Variants in RRP15 observed in about 807,000 individuals in gnomAD.
The protein encoded by RRP15 is RRP15-like protein.
Under a neutral mutation model 27.1 loss-of-function variants are expected in RRP15, and 18 were observed. The observed-to-expected ratio is 0.66, with a 90% confidence interval of 0.46 to 0.98. The LOEUF is 0.98. Ranked by LOEUF, RRP15 falls within the 50% of genes least tolerant of loss-of-function variation. The probability of loss-of-function intolerance (pLI) is 0.00; values close to 1 mark genes in which losing one functional copy is unlikely to be tolerated. For missense variants in RRP15, 359 were observed against 337.8 expected (o/e 1.06, Z -0.49); for synonymous variants, 107 against 109.4 (o/e 0.98, Z 0.14).
chr1:218,301,191 T>A (rs1297555234), intron 1 of RRP15: 1 of 152,208 alleles, frequency 6.6e-6, no homozygotes, highest in East Asian at 1.9e-4. Context: ...AAATGGCAGC[T>A]GTTTGTATAT....
intron 4 of RRP15, among the ~76,000 whole-genome samples, chr1:218,310,495 A>G (rs961025530): frequency 2.6e-4 from 39 of 152,312 alleles, no homozygotes; most frequent in Non-Finnish European, 1.5e-4. Context: ...TATATTAAAT[A>G]TGGATAGAAT....
intron 4 of RRP15, among the ~76,000 whole-genome samples, chr1:218,316,368 C>A (rs1490340768): frequency 1.3e-5 from 2 of 152,090 alleles, no homozygotes; most frequent in Non-Finnish European, 2.9e-5. Flanking sequence ...TTATCCTGCA[C>A]AGATGAGTCT....
intron 1 of RRP15, among the ~76,000 whole-genome samples, chr1:218,298,285 TTCCTCTAAGCCA>T (rs1007720821): frequency 8.5e-5 from 13 of 152,316 alleles, no homozygotes; most frequent in African/African-American, 2.9e-4. Context: ...TTTGTAAAAC[TTCCTCTAAGCCA>T]TCCCAGATAT....
chr1:218,319,596 C>T (rs1656154343), intron 4 of RRP15, among the ~76,000 whole-genome samples: 1 of 152,122 alleles, frequency 6.6e-6, no homozygotes, highest in African/African-American at 2.4e-5. Context: ...GACCTAGAAT[C>T]ACCTGTTTCT....
At chr1:218,325,195 C>T (rs955452247) in intron 4 of RRP15, among the ~76,000 whole-genome samples, 2 of 152,246 alleles carry the variant, frequency 1.3e-5, no homozygotes, top group Non-Finnish European at 2.9e-5. Context: ...CCGCTTTCAG[C>T]ATGCCGTCCC....
chr1:218,302,655 T>G (rs1410565305), intron 2 of RRP15, 96 bp downstream of exon 2: 1 of 1,508,982 alleles, frequency 6.6e-7, no homozygotes, highest in Non-Finnish European at 8.8e-7. Context: ...CCAATTAACG[T>G]TCCAGTTTTT....
chr1:218,300,511 T>G (rs572184523), intron 1 of RRP15, among the ~76,000 whole-genome samples: 10 of 152,202 alleles, frequency 6.6e-5, no homozygotes, highest in Non-Finnish European at 1.5e-4. Context: ...TTGTAATCAC[T>G]TGCTAAAAGT....
chr1:218,328,556 G>A (rs940426464), intron 4 of RRP15, among the ~76,000 whole-genome samples: 5 of 152,004 alleles, frequency 3.3e-5, no homozygotes, highest in Admixed American at 1.3e-4. Context: ...CCAGCTACTC[G>A]GGAGGCTGAG....
intron 4 of RRP15, among the ~76,000 whole-genome samples, chr1:218,319,590 T>A (rs1432530842): frequency 6.6e-6 from 1 of 152,202 alleles, no homozygotes; most frequent in African/African-American, 2.4e-5. Flanking sequence ...GTCCCAGACC[T>A]AGAATCACCT....
At chr1:218,311,383 C>G (rs747110079) in intron 4 of RRP15, among the ~76,000 whole-genome samples, 3 of 152,086 alleles carry the variant, frequency 2.0e-5, no homozygotes, top group Non-Finnish European at 4.4e-5. Flanking sequence ...GAATATTGTT[C>G]ACTGCTGAGC....
intron 1 of RRP15, among the ~76,000 whole-genome samples, chr1:218,297,402 G>A (rs957132399): frequency 4.6e-5 from 7 of 152,108 alleles, no homozygotes; most frequent in Admixed American, 2.0e-4. Context: ...ATGTGTGTGT[G>A]GTGTGTAATC....
intron 1 of RRP15, among the ~76,000 whole-genome samples, chr1:218,297,455 C>G (rs546850351): frequency 6.6e-6 from 1 of 152,244 alleles, no homozygotes; most frequent in South Asian, 2.1e-4. Flanking sequence ...ACTCAAAGAA[C>G]TTTACATATT....
At position 218,336,690 on chromosome 1, in the gene RRP15, G is replaced by A. The variant is rs1353704896; in HGVS notation, c.*5599G>A. On this transcript the variant is annotated 3_prime_UTR_variant, in exon 5 of 5. Coordinates refer to ENST00000366932, the MANE Select transcript of RRP15 (RefSeq NM_016052.4). ...GCCCTGAAATACTGAGAAGTACCAA[G>A]CATAACATCAAGACTGTTTCTACAC... The A allele has an allele frequency of 6.6e-6, 1 of 152,360 alleles. No individual in the cohort carries two copies. The highest frequency in any genetic ancestry group is 1.5e-5 in the Non-Finnish European group (1 of 68,058). 9.4% of individuals were successfully genotyped at this position (152,360 alleles called of 1,614,324 possible).
rs953668390 is a variant in RRP15 at position 218,305,257 on chromosome 1, C to T, written c.503+132C>T. On this transcript the variant is annotated intron_variant, in intron 3 of 4. Coordinates refer to ENST00000366932, the MANE Select transcript of RRP15 (RefSeq NM_016052.4). Reference sequence around the variant, plus strand: ...TGATATATATCTAAGCCTGCCTGTTCAACACTGAATTCAACCAAAGATTTT... The same window carrying T: ...TGATATATATCTAAGCCTGCCTGTTTAACACTGAATTCAACCAAAGATTTT... The T allele has an allele frequency of 3.1e-4, 190 of 622,340 alleles. 1 individual carries two copies. Among genetic ancestry groups the T allele is most frequent in the Non-Finnish European group, 3.8e-4 (134 of 354,658 alleles). 38.6% of individuals were successfully genotyped at this position (622,340 alleles called of 1,614,324 possible).
At chr1:218,301,036 AACT>A (rs1655802476) in intron 1 of RRP15, among the ~76,000 whole-genome samples, 1 of 152,212 alleles carries the variant, frequency 6.6e-6, no homozygotes, top group Non-Finnish European at 1.5e-5. Context: ...AAAATACTTA[AACT>A]ACTAATATTG....
intron 4 of RRP15, among the ~76,000 whole-genome samples, chr1:218,317,552 T>G (rs1407895091): frequency 6.6e-6 from 1 of 152,184 alleles, no homozygotes; most frequent in Non-Finnish European, 1.5e-5. Context: ...GTAAGATATT[T>G]TCAAGTTATG....
rs1656455954 is a variant in RRP15 at position 218,336,732 on chromosome 1, G to A, written c.*5641G>A. 6.6e-6 allele frequency: 1 copy of A among 152,158 alleles called. No individual in the cohort carries two copies. The highest frequency in any genetic ancestry group is 2.4e-5 in the African/African-American group (1 of 41,438). 9.4% of individuals were successfully genotyped at this position (152,158 alleles called of 1,614,324 possible). The stretch of plus-strand genomic sequence containing the variant: ...TTTCTACACAATAATATTTGTCTTT[G>A]TACAGCAACACTGGGTTCTCTTAAG... On this transcript the variant is annotated 3_prime_UTR_variant, in exon 5 of 5. Coordinates refer to ENST00000366932, the MANE Select transcript of RRP15 (RefSeq NM_016052.4).
At chr1:218,295,812 A>G (rs1655709421) in intron 1 of RRP15, among the ~76,000 whole-genome samples, 1 of 152,202 alleles carries the variant, frequency 6.6e-6, no homozygotes, top group Admixed American at 6.5e-5. Context: ...CCAATAGCAC[A>G]TGTAATCACA....
At chr1:218,325,627 T>C (rs1188269118) in intron 4 of RRP15, among the ~76,000 whole-genome samples, 2 of 152,224 alleles carry the variant, frequency 1.3e-5, no homozygotes, top group Non-Finnish European at 2.9e-5. Context: ...TTTGTTTTCC[T>C]GGAAGCTTAT....
Sources: gnomAD v4.1 joint callset for allele counts (sites outside exome capture counted in the v4.1 genomes callset) on GRCh38, gnomAD v4.1.1 for gene constraint, MANE v1.5 for transcripts, NCBI Gene and HGNC (gene_info 2026-07-23, HGNC 2026-07-21) for gene names.